UBE2K: variants seen among roughly 807,000 people sequenced by gnomAD.
The protein encoded by UBE2K is ubiquitin-conjugating enzyme E2 K.
UBE2K carries 6 observed loss-of-function variants against 30.0 expected under a neutral mutation model. The ratio of observed to expected loss-of-function variants is 0.20; its 90% confidence interval spans 0.11 to 0.39. The LOEUF (loss-of-function observed/expected upper bound fraction) is 0.39. Ranked by LOEUF, UBE2K falls within the 10% of genes least tolerant of loss-of-function variation. UBE2K has a pLI of 1.00. For missense variants in UBE2K, 61 were observed against 241.6 expected, an observed-to-expected ratio of 0.25 and a Z score of 4.96; for synonymous variants, 86 against 83.7, an observed-to-expected ratio of 1.03 and a Z score of -0.15.
intron 6 of UBE2K, 119 bp downstream of exon 6, chr4:39,777,929 G>A (rs1713369877): frequency 1.2e-5 from 11 of 933,208 alleles, no homozygotes; most frequent in South Asian, 5.4e-5. Flanking sequence ...GCAACATGGC[G>A]AAACCCATCT....
chr4:39,754,449 A>C (rs1285470726), intron 3 of UBE2K, among the ~76,000 whole-genome samples: 1 of 152,230 alleles, frequency 6.6e-6, no homozygotes, highest in African/African-American at 2.4e-5. Context: ...TCAAGAAGTC[A>C]CAAAGAGAAG....
intron 1 of UBE2K, among the ~76,000 whole-genome samples, chr4:39,735,677 G>A (rs372264734): frequency 6.6e-5 from 10 of 152,210 alleles, no homozygotes; most frequent in Admixed American, 2.0e-4. Context: ...CACCGCGCCC[G>A]GCCATCAGAG....
chr4:39,711,232 G>T (rs1387438113), intron 1 of UBE2K, among the ~76,000 whole-genome samples: 3 of 140,718 alleles, frequency 2.1e-5, no homozygotes, highest in African/African-American at 8.1e-5. Flanking sequence ...GTGTGATCTC[G>T]GCTCACTGCA....
intron 1 of UBE2K, among the ~76,000 whole-genome samples, chr4:39,732,260 T>G (rs1406794155): frequency 6.6e-6 from 1 of 152,228 alleles, no homozygotes; most frequent in East Asian, 1.9e-4. Context: ...GTTAATTAAC[T>G]TGTTCATAGC....
At chr4:39,699,802 A>G (rs991445610) in intron 1 of UBE2K, among the ~76,000 whole-genome samples, 7 of 152,206 alleles carry the variant, frequency 4.6e-5, no homozygotes, top group African/African-American at 1.7e-4. Flanking sequence ...AAAGTAGTAT[A>G]TAAGTCATGG....
At chr4:39,735,547 A>AT (rs746525807) in intron 1 of UBE2K, among the ~76,000 whole-genome samples, 8 of 152,000 alleles carry the variant, frequency 5.3e-5, no homozygotes, top group Non-Finnish European at 1.0e-4. Context: ...CACCTGGCTA[A>AT]TTTTTTTGTA....
chr4:39,726,835 G>C (rs1719779299), intron 1 of UBE2K, among the ~76,000 whole-genome samples: 2 of 152,026 alleles, frequency 1.3e-5, no homozygotes, highest in Non-Finnish European at 2.9e-5. Flanking sequence ...GACCTCAGGT[G>C]ATCTACCCAC....
rs1227834116 is a variant in UBE2K at position 39,757,018 on chromosome 4, G to GTTTTTTTTTTTTTTTTTTT, written c.299+1285_299+1286insTTTTTTTTTTTTTTTTTTT. On this transcript the variant is annotated intron_variant, in intron 4 of 6. Coordinates refer to ENST00000261427, the MANE Select transcript of UBE2K (RefSeq NM_005339.5). Reference sequence around the variant, plus strand: ...TTTGGGTGTTTTTTTTTTGTTTTTTGTTTTTTGTTTTTTGTTTTTTTTTTG... The same window carrying GTTTTTTTTTTTTTTTTTTT: ...TTTGGGTGTTTTTTTTTTGTTTTTTGTTTTTTTTTTTTTTTTTTTTTTTTTGTTTTTTGTTTTTTTTTTG... 1.4e-4 allele frequency among the ~76,000 whole-genome samples: 10 copies of GTTTTTTTTTTTTTTTTTTT among 72,084 alleles called. 1 individual carries two copies. The highest frequency in any genetic ancestry group is 2.2e-4 in the African/African-American group (4 of 18,070). 47.3% of individuals were successfully genotyped at this position (72,084 alleles called of 152,430 possible).
chr4:39,729,991 A>C lies in UBE2K; in HGVS notation c.64-7429A>C, dbSNP rs572149472. Among the ~76,000 whole-genome samples the C allele has an allele frequency of 3.3e-5, 5 of 152,360 alleles. 1 individual carries two copies. The East Asian group carries it at 9.6e-4, about 29-fold the overall frequency. On this transcript the variant is annotated intron_variant, in intron 1 of 6. Coordinates refer to ENST00000261427, the MANE Select transcript of UBE2K (RefSeq NM_005339.5). ...TACTTCATTTAAAAATTATATAATT[A>C]GTTCTTCAGTACCTTAGAATGAAAT...
At chr4:39,714,888 C>T (rs181693278) in intron 1 of UBE2K, among the ~76,000 whole-genome samples, 5 of 151,576 alleles carry the variant, frequency 3.3e-5, no homozygotes, top group Admixed American at 3.3e-4. Flanking sequence ...CACTCACACG[C>T]TTACCCAGGA....
intron 4 of UBE2K, among the ~76,000 whole-genome samples, chr4:39,768,866 T>G (rs1228723650): frequency 6.6e-6 from 1 of 152,172 alleles, no homozygotes; most frequent in African/African-American, 2.4e-5. Flanking sequence ...TGTTTTTTAT[T>G]TATCTATTTT....
At chr4:39,721,284 C>A (rs1019555893) in intron 1 of UBE2K, among the ~76,000 whole-genome samples, 4 of 152,106 alleles carry the variant, frequency 2.6e-5, no homozygotes, top group Non-Finnish European at 4.4e-5. Context: ...AACTCAGGAT[C>A]ATTTAGGAAA....
At chr4:39,700,507 A>G (rs1012708415) in intron 1 of UBE2K, among the ~76,000 whole-genome samples, 1 of 152,198 alleles carries the variant, frequency 6.6e-6, no homozygotes, top group African/African-American at 2.4e-5. Flanking sequence ...AATAAATATA[A>G]CCAATAAATA....
At chr4:39,773,896 G>T (rs1002472091) in intron 4 of UBE2K, among the ~76,000 whole-genome samples, 16 of 151,850 alleles carry the variant, frequency 1.1e-4, no homozygotes, top group Non-Finnish European at 1.8e-4. Context: ...ACTCCAGCCT[G>T]GGCGACAGAG....
At chr4:39,729,167 C>T (rs1719936692) in intron 1 of UBE2K, among the ~76,000 whole-genome samples, 1 of 151,974 alleles carries the variant, frequency 6.6e-6, no homozygotes, top group South Asian at 2.1e-4. Context: ...GGCGGGGTTT[C>T]ACCATGTTGG....
intron 1 of UBE2K, among the ~76,000 whole-genome samples, chr4:39,719,765 T>C (rs1382805099): frequency 6.6e-6 from 1 of 152,252 alleles, no homozygotes; most frequent in Non-Finnish European, 1.5e-5. Context: ...AAACATTTTA[T>C]GCTTTTTCTT....
At chr4:39,737,293 G>A (rs530887839) in intron 1 of UBE2K, 127 bp from the exon 2 acceptor site, 11 of 483,948 alleles carry the variant, frequency 2.3e-5, no homozygotes, top group African/African-American at 1.0e-4. Flanking sequence ...TAGAAAAGCC[G>A]AGACTTATTT....
intron 1 of UBE2K, among the ~76,000 whole-genome samples, chr4:39,724,187 A>G (rs1719598184): frequency 6.8e-6 from 1 of 147,796 alleles, no homozygotes; most frequent in African/African-American, 2.5e-5. Flanking sequence ...GGCTTACTAC[A>G]ACCTGGAACT....
At chr4:39,740,687 C>T (rs1232524599) in intron 2 of UBE2K, among the ~76,000 whole-genome samples, 1 of 145,566 alleles carries the variant, frequency 6.9e-6, no homozygotes, top group Non-Finnish European at 1.5e-5. Flanking sequence ...ACGATGAAAC[C>T]CCGTCTCTAC....
Sources: gnomAD v4.1 joint callset for allele counts (sites outside exome capture counted in the v4.1 genomes callset) on GRCh38, gnomAD v4.1.1 for gene constraint, MANE v1.5 for transcripts, NCBI Gene and HGNC (gene_info 2026-07-23, HGNC 2026-07-21) for gene names.